PDE4B: variants seen among roughly 807,000 people sequenced by gnomAD.
PDE4B encodes 3',5'-cyclic-AMP phosphodiesterase 4B.
PDE4B carries 20 observed loss-of-function variants against 82.2 expected under a neutral mutation model. That is an observed-to-expected ratio of 0.24 (90% CI 0.17 to 0.35). The LOEUF is 0.35. Ranked by LOEUF, PDE4B falls within the 10% of genes least tolerant of loss-of-function variation. The probability of loss-of-function intolerance (pLI) is 1.00; values close to 1 mark genes in which losing one functional copy is unlikely to be tolerated. For missense variants in PDE4B, 655 were observed against 907.2 expected (o/e 0.72, Z 3.57); for synonymous variants, 320 against 318.9 (o/e 1.00, Z -0.04).
At chr1:66,321,585 C>T (rs1208377019) in intron 7 of PDE4B, among the ~76,000 whole-genome samples, 3 of 152,112 alleles carry the variant, frequency 2.0e-5, no homozygotes, top group African/African-American at 7.2e-5. Flanking sequence ...CTGAGGAGAA[C>T]TGCACTCTCT....
At chr1:66,359,880 A>G (rs112056678) in intron 9 of PDE4B, among the ~76,000 whole-genome samples, 2,207 of 152,338 alleles carry the variant, frequency 0.014, 42 homozygotes, top group African/African-American at 0.051. Context: ...AGGAACCTCA[A>G]GGCCTGGGTT....
At chr1:65,972,190 T>G (rs1229017905) in intron 3 of PDE4B, among the ~76,000 whole-genome samples, 1 of 152,208 alleles carries the variant, frequency 6.6e-6, no homozygotes, top group East Asian at 1.9e-4. Flanking sequence ...CGCATAGAAG[T>G]GTGTTTTAAT....
At chr1:65,855,414 A>G (rs947544211) in intron 1 of PDE4B, among the ~76,000 whole-genome samples, 1 of 152,188 alleles carries the variant, frequency 6.6e-6, no homozygotes, top group Non-Finnish European at 1.5e-5. Flanking sequence ...AGAAGTTTTA[A>G]TAGAATGAGT....
At chr1:65,994,084 G>A (rs1308956885) in intron 3 of PDE4B, among the ~76,000 whole-genome samples, 1 of 152,070 alleles carries the variant, frequency 6.6e-6, no homozygotes, top group Non-Finnish European at 1.5e-5. Flanking sequence ...GCAATATAGG[G>A]AGCATGTACA....
At chr1:65,873,471 T>C in intron 1 of PDE4B, among the ~76,000 whole-genome samples, 1 of 152,226 alleles carries the variant, frequency 6.6e-6, no homozygotes, top group South Asian at 2.1e-4. Flanking sequence ...GATATGTAGA[T>C]ATAAAGTGTG....
intron 3 of PDE4B, among the ~76,000 whole-genome samples, chr1:66,065,987 T>C (rs1655826359): frequency 6.6e-6 from 1 of 151,834 alleles, no homozygotes; most frequent in Non-Finnish European, 1.5e-5. Context: ...CATGTGTTAG[T>C]AGTAGGTTTT....
intron 3 of PDE4B, among the ~76,000 whole-genome samples, chr1:66,133,982 A>G (rs1646003340): frequency 6.6e-6 from 1 of 152,136 alleles, no homozygotes; most frequent in African/African-American, 2.4e-5. Context: ...AGAAGGGAAT[A>G]GGAAAAAGGC....
At chr1:65,796,283 C>CATTATTTCT (rs1645630721) in intron 1 of PDE4B, among the ~76,000 whole-genome samples, 1 of 152,154 alleles carries the variant, frequency 6.6e-6, no homozygotes, top group African/African-American at 2.4e-5. Context: ...GATTCTTAGG[C>CATTATTTCT]ATTATTTCTT....
At chr1:66,175,607 T>C (rs924484733) in intron 3 of PDE4B, among the ~76,000 whole-genome samples, 14 of 152,212 alleles carry the variant, frequency 9.2e-5, no homozygotes, top group Admixed American at 6.5e-5. Flanking sequence ...AGTATTCTTT[T>C]TTGGGCACCG....
intron 1 of PDE4B, among the ~76,000 whole-genome samples, chr1:65,890,134 A>ATT (rs202106767): frequency 3.4e-5 from 5 of 145,038 alleles, no homozygotes; most frequent in African/African-American, 1.3e-4. Context: ...AGCTTGACAA[A>ATT]TTTTTTTTTT....
At chr1:66,242,127 C>G (rs533024673) in intron 3 of PDE4B, among the ~76,000 whole-genome samples, 1 of 152,232 alleles carries the variant, frequency 6.6e-6, no homozygotes, top group East Asian at 1.9e-4. Context: ...ATCAAGGAGT[C>G]TAAGGGGACA....
intron 3 of PDE4B, among the ~76,000 whole-genome samples, chr1:66,139,439 A>G (rs1210414689): frequency 1.3e-5 from 2 of 151,960 alleles, no homozygotes; most frequent in African/African-American, 4.8e-5. Context: ...TAATGCTTCA[A>G]ATCTCCTGGG....
chr1:66,069,225 T>C (rs1366595336), intron 3 of PDE4B, among the ~76,000 whole-genome samples: 1 of 152,046 alleles, frequency 6.6e-6, no homozygotes, highest in Admixed American at 6.6e-5. Context: ...TTTCCAATCA[T>C]GTTCCCATTA....
At chr1:66,164,211 TTAC>T (rs1190955466) in intron 3 of PDE4B, among the ~76,000 whole-genome samples, 1 of 151,762 alleles carries the variant, frequency 6.6e-6, no homozygotes, top group Non-Finnish European at 1.5e-5. Context: ...ACCCAAGAAA[TTAC>T]TACTACTGGT....
chr1:65,838,484 C>CGTATATGTATATATAT (rs1557772270), intron 1 of PDE4B, among the ~76,000 whole-genome samples: 4,133 of 146,440 alleles, frequency 0.028, 121 homozygotes, highest in Non-Finnish European at 0.047. Flanking sequence ...TATATATATA[C>CGTATATGTATATATAT]GTATATGTAT....
At chr1:65,872,210 G>A (rs1238270592) in intron 1 of PDE4B, among the ~76,000 whole-genome samples, 1 of 152,114 alleles carries the variant, frequency 6.6e-6, no homozygotes, top group African/African-American at 2.4e-5. Context: ...CTTCCTGACT[G>A]CTCACCAAAT....
chr1:65,957,288 C>A (rs763533098), intron 3 of PDE4B, among the ~76,000 whole-genome samples: 10 of 152,068 alleles, frequency 6.6e-5, no homozygotes, highest in Admixed American at 1.3e-4. Flanking sequence ...TTATAAATAT[C>A]TTTTCCTATA....
intron 3 of PDE4B, among the ~76,000 whole-genome samples, chr1:66,111,241 T>G (rs531791334): frequency 9.9e-5 from 15 of 152,244 alleles, no homozygotes; most frequent in South Asian, 4.1e-4. Flanking sequence ...GCAAAAGAAC[T>G]GACATATTTT....
intron 4 of PDE4B, among the ~76,000 whole-genome samples, chr1:66,255,177 T>G (rs1236629385): frequency 6.6e-6 from 1 of 151,928 alleles, no homozygotes; most frequent in Non-Finnish European, 1.5e-5. Flanking sequence ...CTCTGCCTCC[T>G]GGGTTCAAGC....
Sources: allele counts gnomAD v4.1 joint callset (sites outside exome capture counted in the v4.1 genomes callset), GRCh38; gene constraint gnomAD v4.1.1; transcripts MANE v1.5; gene names NCBI Gene and HGNC (gene_info 2026-07-23, HGNC 2026-07-21).